AFG2A: variants seen among roughly 807,000 people sequenced by gnomAD.
AFG2A encodes the protein AAA ATPase AFG2A.
chr4:123,181,339 C>T, the AFG2A span, among the ~76,000 whole-genome samples: 1 of 151,842 alleles, frequency 6.6e-6, no homozygotes. Flanking sequence ...TGGCCAACCA[C>T]GGTGATTCAC....
chr4:122,976,302 C>G, the AFG2A span, among the ~76,000 whole-genome samples: 2 of 152,312 alleles, frequency 1.3e-5, 1 homozygote, highest in South Asian at 4.1e-4. Flanking sequence ...CGTCACAGAT[C>G]AAAGGGCTCT....
the AFG2A span, among the ~76,000 whole-genome samples, chr4:123,106,163 C>T: frequency 2.0e-5 from 3 of 152,074 alleles, no homozygotes; most frequent in African/African-American, 7.2e-5. Context: ...TTTCCACCAG[C>T]AAAAAGATTA....
the AFG2A span, among the ~76,000 whole-genome samples, chr4:123,057,814 C>T: frequency 3.1e-3 from 460 of 150,776 alleles, 2 homozygotes; most frequent in African/African-American, 1.0e-2. Flanking sequence ...AATATATACA[C>T]ACACACACAC....
the AFG2A span, among the ~76,000 whole-genome samples, chr4:123,181,448 C>A: frequency 6.6e-6 from 1 of 151,770 alleles, no homozygotes; most frequent in African/African-American, 2.4e-5. Flanking sequence ...CCTGTTTCTA[C>A]AAAAAAATAC....
chr4:123,272,113 A>G, the AFG2A span, among the ~76,000 whole-genome samples: 1 of 152,202 alleles, frequency 6.6e-6, no homozygotes, highest in Non-Finnish European at 1.5e-5. Flanking sequence ...TCAAAATTTC[A>G]TCACTCAGTC....
At chr4:123,105,309 G>A in the AFG2A span, among the ~76,000 whole-genome samples, 8 of 152,102 alleles carry the variant, frequency 5.3e-5, no homozygotes, top group Middle Eastern at 3.4e-3. Flanking sequence ...GATACCTATT[G>A]CTGAGGAAAA....
the AFG2A span, among the ~76,000 whole-genome samples, chr4:123,142,340 C>G: frequency 6.6e-6 from 1 of 152,070 alleles, no homozygotes; most frequent in East Asian, 1.9e-4. Context: ...CTTTCACAGG[C>G]CTGGGTAGAC....
the AFG2A span, among the ~76,000 whole-genome samples, chr4:123,079,359 T>C: frequency 1.3e-5 from 2 of 152,178 alleles, no homozygotes; most frequent in East Asian, 1.9e-4. Context: ...TACTAATTCA[T>C]TGGGAGAAAT....
At chr4:123,235,355 G>A in the AFG2A span, among the ~76,000 whole-genome samples, 2 of 152,122 alleles carry the variant, frequency 1.3e-5, no homozygotes, top group Non-Finnish European at 2.9e-5. Context: ...GGGGAAAAGT[G>A]CTCACATAGT....
the AFG2A span, among the ~76,000 whole-genome samples, chr4:123,269,823 G>A: frequency 3.3e-5 from 5 of 152,122 alleles, no homozygotes; most frequent in Non-Finnish European, 7.4e-5. Context: ...TGTATAGTTT[G>A]TTTTGTTTTG....
chr4:123,258,723 G>T, the AFG2A span, among the ~76,000 whole-genome samples: 1 of 151,986 alleles, frequency 6.6e-6, no homozygotes, highest in Non-Finnish European at 1.5e-5. Context: ...AAGAATTTGG[G>T]CAGGAAAGCC....
At chr4:122,993,493 A>G in the AFG2A span, among the ~76,000 whole-genome samples, 4 of 151,936 alleles carry the variant, frequency 2.6e-5, no homozygotes, top group African/African-American at 9.7e-5. Flanking sequence ...GCTTTTGTCT[A>G]TTTTTCCATA....
the AFG2A span, among the ~76,000 whole-genome samples, chr4:123,016,250 C>G: frequency 1.6e-4 from 23 of 146,798 alleles, no homozygotes; most frequent in African/African-American, 4.5e-4. Flanking sequence ...GGCGGCTGGC[C>G]GGGCAGAGGG....
At chr4:122,963,995 T>G in the AFG2A span, among the ~76,000 whole-genome samples, 1 of 152,162 alleles carries the variant, frequency 6.6e-6, no homozygotes, top group African/African-American at 2.4e-5. Context: ...GCTGTGAATC[T>G]TCAGCTTCTC....
chr4:123,170,900 A>C, the AFG2A span, among the ~76,000 whole-genome samples: 3 of 152,124 alleles, frequency 2.0e-5, no homozygotes, highest in African/African-American at 7.2e-5. Context: ...CAATTTTCTT[A>C]TCCCTAAAAT....
the AFG2A span, among the ~76,000 whole-genome samples, chr4:123,267,489 A>G: frequency 2.6e-5 from 4 of 152,042 alleles, no homozygotes; most frequent in South Asian, 2.1e-4. Context: ...CACATCATAA[A>G]TTAGATATTT....
the AFG2A span, among the ~76,000 whole-genome samples, chr4:123,024,227 C>CAAAAAAAAAAA: frequency 8.1e-6 from 1 of 123,646 alleles, no homozygotes; most frequent in Non-Finnish European, 1.6e-5. Flanking sequence ...AGACTATAAG[C>CAAAAAAAAAAA]AAAAAAAAAA....
At chr4:123,263,785 T>C in the AFG2A span, among the ~76,000 whole-genome samples, 1 of 152,178 alleles carries the variant, frequency 6.6e-6, no homozygotes. Context: ...GTACAATCAC[T>C]ATGGAAAACA....
chr4:122,933,300 C>A, the AFG2A span: 1 of 662,458 alleles, frequency 1.5e-6, no homozygotes. Flanking sequence ...AAATTGTATA[C>A]ATTATTTATT....
Sources: gnomAD v4.1 joint callset for allele counts (sites outside exome capture counted in the v4.1 genomes callset) on GRCh38, gnomAD v4.1.1 for gene constraint, MANE v1.5 for transcripts, NCBI Gene and HGNC (gene_info 2026-07-23, HGNC 2026-07-21) for gene names.